The following HMGB1 variants were observed in gnomAD, a reference collection of about 807,000 sequenced individuals.
HMGB1 encodes the protein high mobility group box 1.
For missense variants in HMGB1, 79 were observed against 253.5 expected (o/e 0.31, Z 4.67); for synonymous variants, 81 against 84.0 (o/e 0.96, Z 0.19).
chr13:30,523,562 C>G (rs1888286509), intron 1 of HMGB1, among the ~76,000 whole-genome samples: 1 of 152,012 alleles, frequency 6.6e-6, no homozygotes, highest in African/African-American at 2.4e-5. Flanking sequence ...GATGTTACCA[C>G]TCTTTGTACA....
At chr13:30,513,270 G>A (rs551418211) in intron 1 of HMGB1, among the ~76,000 whole-genome samples, 4 of 152,146 alleles carry the variant, frequency 2.6e-5, no homozygotes, top group Non-Finnish European at 5.9e-5. Context: ...CCCAGCTTTT[G>A]GCTCTTTAGT....
intron 1 of HMGB1, among the ~76,000 whole-genome samples, chr13:30,487,574 G>T (rs1887392142): frequency 1.3e-5 from 2 of 152,134 alleles, no homozygotes; most frequent in African/African-American, 4.8e-5. Context: ...CATACAGTAT[G>T]TCTTTTCCTT....
At chr13:30,545,008 A>C (rs1869084773) in intron 1 of HMGB1, among the ~76,000 whole-genome samples, 1 of 152,086 alleles carries the variant, frequency 6.6e-6, no homozygotes, top group African/African-American at 2.4e-5. Context: ...ATCTTGTTTT[A>C]GGTTGCAATA....
intron 1 of HMGB1, among the ~76,000 whole-genome samples, chr13:30,518,165 C>G (rs1405917938): frequency 6.6e-6 from 1 of 151,208 alleles, no homozygotes; most frequent in East Asian, 1.9e-4. Context: ...GACTTCATCT[C>G]TACTAAAAAT....
At chr13:30,585,310 G>C (rs1055154074) in intron 1 of HMGB1, among the ~76,000 whole-genome samples, 1 of 151,928 alleles carries the variant, frequency 6.6e-6, no homozygotes, top group Non-Finnish European at 1.5e-5. Context: ...CAGAGACCCA[G>C]TTTCAAAAAA....
At chr13:30,553,123 G>A (rs560999898) in intron 1 of HMGB1, among the ~76,000 whole-genome samples, 57 of 152,288 alleles carry the variant, frequency 3.7e-4, no homozygotes, top group African/African-American at 1.3e-3. Flanking sequence ...CATGTTAAAA[G>A]GTTCCTCAGA....
intron 1 of HMGB1, chr13:30,543,431 TC>T: frequency 6.4e-6 from 1 of 157,064 alleles, no homozygotes; most frequent in Non-Finnish European, 1.4e-5. Flanking sequence ...CCCGGCCTGT[TC>T]CAGGTGTTAA....
chr13:30,474,951 CT>C (rs1887041427), intron 1 of HMGB1, among the ~76,000 whole-genome samples: 1 of 28,096 alleles, frequency 3.6e-5, no homozygotes, highest in Non-Finnish European at 6.5e-5. Context: ...TTTTTCTTTT[CT>C]TTTTTTGTTT....
At chr13:30,557,020 T>C (rs941249923) in intron 1 of HMGB1, among the ~76,000 whole-genome samples, 2 of 152,208 alleles carry the variant, frequency 1.3e-5, no homozygotes, top group Admixed American at 1.3e-4. Flanking sequence ...ATATGTACAA[T>C]TGGTATTTGT....
intron 1 of HMGB1, among the ~76,000 whole-genome samples, chr13:30,591,686 G>A (rs9551946): frequency 0.37 from 56,173 of 151,700 alleles, 10,772 homozygotes; most frequent in Middle Eastern, 0.54. Context: ...ATTTTTTGTA[G>A]AGATGGGGTT....
At chr13:30,568,298 G>C (rs777869068) in intron 1 of HMGB1, among the ~76,000 whole-genome samples, 1 of 152,164 alleles carries the variant, frequency 6.6e-6, no homozygotes, top group Non-Finnish European at 1.5e-5. Flanking sequence ...TTGGAGCCCA[G>C]GAGTTCAAGA....
chr13:30,535,480 T>A (rs1035174772), intron 1 of HMGB1, among the ~76,000 whole-genome samples: 2 of 152,208 alleles, frequency 1.3e-5, no homozygotes, highest in African/African-American at 4.8e-5. Flanking sequence ...CCTCCATGCT[T>A]CTCTTTACCA....
intron 1 of HMGB1, among the ~76,000 whole-genome samples, chr13:30,610,416 T>C (rs987918881): frequency 6.6e-6 from 1 of 152,226 alleles, no homozygotes; most frequent in Admixed American, 6.5e-5. Flanking sequence ...GTAAAGGACA[T>C]GCAGGGTTTA....
chr13:30,615,203 T>C (rs1339137993), intron 1 of HMGB1, among the ~76,000 whole-genome samples: 1 of 152,256 alleles, frequency 6.6e-6, no homozygotes, highest in Non-Finnish European at 1.5e-5. Flanking sequence ...CGTATTTTTT[T>C]CTATCCTAAC....
intron 1 of HMGB1, among the ~76,000 whole-genome samples, chr13:30,548,642 C>T (rs1488280388): frequency 6.6e-6 from 1 of 152,192 alleles, no homozygotes; most frequent in Non-Finnish European, 1.5e-5. Flanking sequence ...GGGAGCCCTT[C>T]TCTGCCCAGA....
chr13:30,461,066 T>C lies in HMGB1; in HGVS notation c.*291A>G, dbSNP rs1886294709. On this transcript the variant is annotated 3_prime_UTR_variant, in exon 5 of 5. Transcript: ENST00000341423. The stretch of plus-strand genomic sequence containing the variant: ...ATGAAAAAACTACCATCCCCATATA[T>C]AACTAATTTGTGCTGTGCACCAACA... The C allele has an allele frequency of 1.0e-6, 1 of 961,646 alleles. No individual in the cohort carries two copies. The highest frequency in any genetic ancestry group is 5.2e-5 in the Admixed American group (1 of 19,262). The allele number at this position is 961,646 out of a possible 1,614,324, so 59.6% of individuals were successfully genotyped here. A position where few individuals can be genotyped will look rare whatever the true frequency, so the allele number is the denominator to read the frequency against.
intron 1 of HMGB1, among the ~76,000 whole-genome samples, chr13:30,598,002 T>A (rs185815910): frequency 1.2e-4 from 18 of 152,350 alleles, no homozygotes; most frequent in Non-Finnish European, 2.5e-4. Flanking sequence ...AGAGTAGCTG[T>A]CCCTTCCTCA....
intron 1 of HMGB1, among the ~76,000 whole-genome samples, chr13:30,615,458 A>G (rs1349321059): frequency 6.6e-6 from 1 of 152,230 alleles, no homozygotes; most frequent in African/African-American, 2.4e-5. Context: ...ACATATTAAT[A>G]TAGTTTCAGC....
chr13:30,464,365 G>A (rs1166626999), intron 1 of HMGB1: 1 of 985,322 alleles, frequency 1.0e-6, no homozygotes, highest in African/African-American at 1.7e-5. Context: ...AGTAAACAAG[G>A]ATGAGGGACA....
Sources: allele counts gnomAD v4.1 joint callset (sites outside exome capture counted in the v4.1 genomes callset), GRCh38; gene constraint gnomAD v4.1.1; transcripts MANE v1.5; gene names NCBI Gene and HGNC (gene_info 2026-07-23, HGNC 2026-07-21).